The following AUH variants were observed in gnomAD, a reference collection of about 807,000 sequenced individuals.
AUH encodes the protein AU RNA binding methylglutaconyl-CoA hydratase.
Under a neutral mutation model 42.3 loss-of-function variants are expected in AUH, and 29 were observed. The observed-to-expected ratio is 0.69, with a 90% confidence interval of 0.51 to 0.93. The LOEUF (loss-of-function observed/expected upper bound fraction) is 0.93. Ranked by LOEUF, AUH falls within the 40% of genes least tolerant of loss-of-function variation. AUH has a pLI of 0.00. For missense variants in AUH, 452 were observed against 438.1 expected (o/e 1.03, Z -0.28); for synonymous variants, 174 against 166.4 (o/e 1.05, Z -0.35).
chr9:91,303,609 A>G lies in AUH; in HGVS notation c.506-5533T>C, dbSNP rs571604655. On this transcript the variant is annotated intron_variant, in intron 4 of 9. Transcript: ENST00000375731. The stretch of plus-strand genomic sequence containing the variant: ...CCCAAAGTGCTGGGATTACAGGCGT[A>G]AGCCACTGCGCCCAGCCCCACAGGA... 5.3e-5 allele frequency among the ~76,000 whole-genome samples: 8 copies of G among 152,266 alleles called. No homozygotes were observed. In the East Asian group the frequency reaches 5.8e-4, roughly 11 times the overall value.
At chr9:91,277,465 A>G (rs961151997) in intron 6 of AUH, among the ~76,000 whole-genome samples, 5 of 151,710 alleles carry the variant, frequency 3.3e-5, no homozygotes, top group African/African-American at 1.2e-4. Flanking sequence ...GTTTTATGGT[A>G]AAACAGAAGT....
At chr9:91,276,574 G>T (rs72740749) in intron 6 of AUH, among the ~76,000 whole-genome samples, 2,779 of 152,156 alleles carry the variant, frequency 0.018, 40 homozygotes, top group Middle Eastern at 0.065. Context: ...ACTGTAACAG[G>T]TCATTATTTT....
intron 6 of AUH, among the ~76,000 whole-genome samples, chr9:91,222,262 G>A (rs1827175657): frequency 6.6e-6 from 1 of 152,126 alleles, no homozygotes; most frequent in South Asian, 2.1e-4. Flanking sequence ...ACCACAAGAA[G>A]GCACATGTTT....
At chr9:91,299,778 AC>A (rs1266409552) in intron 4 of AUH, among the ~76,000 whole-genome samples, 1 of 152,206 alleles carries the variant, frequency 6.6e-6, no homozygotes, top group Non-Finnish European at 1.5e-5. Context: ...GACTTTGGTT[AC>A]CGACTCTCAA....
intron 4 of AUH, 50 bp from the exon 5 acceptor site, chr9:91,298,126 C>T (rs1827497167): frequency 7.1e-7 from 1 of 1,401,910 alleles, no homozygotes; most frequent in Admixed American, 1.7e-5. Flanking sequence ...TATTATCTCA[C>T]TGTGTAATTC....
At chr9:91,344,095 A>C (rs1274707750) in intron 3 of AUH, among the ~76,000 whole-genome samples, 1 of 152,166 alleles carries the variant, frequency 6.6e-6, no homozygotes, top group Non-Finnish European at 1.5e-5. Context: ...ATTAACATCA[A>C]CACAGGACCT....
At chr9:91,259,079 T>C (rs986807302) in intron 6 of AUH, among the ~76,000 whole-genome samples, 19 of 152,190 alleles carry the variant, frequency 1.2e-4, no homozygotes, top group African/African-American at 3.9e-4. Flanking sequence ...TCTGAAACAG[T>C]TGGAGTAGAA....
intron 6 of AUH, among the ~76,000 whole-genome samples, chr9:91,290,737 A>T (rs1323298900): frequency 1.3e-5 from 2 of 152,156 alleles, no homozygotes; most frequent in Non-Finnish European, 2.9e-5. Context: ...TTTCTCATCT[A>T]ATCAAACCAA....
At chr9:91,239,011 T>C (rs1466839456) in intron 6 of AUH, among the ~76,000 whole-genome samples, 1 of 152,252 alleles carries the variant, frequency 6.6e-6, no homozygotes, top group Non-Finnish European at 1.5e-5. Context: ...TATATTTACA[T>C]GTATTAAAAT....
intron 4 of AUH, among the ~76,000 whole-genome samples, chr9:91,318,677 G>C (rs1451629267): frequency 6.6e-6 from 1 of 152,224 alleles, no homozygotes; most frequent in Non-Finnish European, 1.5e-5. Context: ...ATTTGGCATG[G>C]TTGGGCCCAA....
At chr9:91,355,615 G>C (rs1028937952) in intron 3 of AUH, among the ~76,000 whole-genome samples, 1 of 151,426 alleles carries the variant, frequency 6.6e-6, no homozygotes, top group Non-Finnish European at 1.5e-5. Context: ...AAACAACATT[G>C]TACTACATGT....
At chr9:91,219,302 A>T (rs1349179856) in intron 7 of AUH, among the ~76,000 whole-genome samples, 1 of 152,210 alleles carries the variant, frequency 6.6e-6, no homozygotes, top group East Asian at 1.9e-4. Context: ...GGCTCTGCAG[A>T]TCATCAGAAT....
At chr9:91,351,084 C>G (rs1284091435) in intron 3 of AUH, among the ~76,000 whole-genome samples, 1 of 152,138 alleles carries the variant, frequency 6.6e-6, no homozygotes, top group Admixed American at 6.6e-5. Flanking sequence ...ACTCTCCCAC[C>G]TAAGCCTCCT....
At chr9:91,226,421 G>C (rs1299010319) in intron 6 of AUH, among the ~76,000 whole-genome samples, 56 of 141,328 alleles carry the variant, frequency 4.0e-4, no homozygotes, top group South Asian at 1.2e-3. Context: ...TTGTAAATTT[G>C]TTTGAGTTCA....
intron 6 of AUH, among the ~76,000 whole-genome samples, chr9:91,267,448 T>C (rs1387798159): frequency 6.6e-6 from 1 of 152,168 alleles, no homozygotes; most frequent in Non-Finnish European, 1.5e-5. Context: ...TCTTACGGTG[T>C]CTTGCTCTTG....
At chr9:91,232,678 C>T (rs56380204) in intron 6 of AUH, among the ~76,000 whole-genome samples, 85 of 152,336 alleles carry the variant, frequency 5.6e-4, no homozygotes, top group African/African-American at 1.9e-3. Flanking sequence ...GGCCACTGCC[C>T]TTCCCTTTCT....
chr9:91,224,509 C>G (rs1034089498), intron 6 of AUH, among the ~76,000 whole-genome samples: 1 of 152,094 alleles, frequency 6.6e-6, no homozygotes, highest in Non-Finnish European at 1.5e-5. Flanking sequence ...GGTGTCATAT[C>G]CAAGAAATTA....
intron 5 of AUH, among the ~76,000 whole-genome samples, chr9:91,297,598 A>ATT (rs1002793689): frequency 6.9e-6 from 1 of 145,348 alleles, no homozygotes; most frequent in Non-Finnish European, 1.5e-5. Context: ...TTCCTTTTTA[A>ATT]TTTTTTTTTT....
intron 3 of AUH, among the ~76,000 whole-genome samples, chr9:91,342,527 T>A (rs555290039): frequency 3.2e-4 from 49 of 152,326 alleles, no homozygotes; most frequent in African/African-American, 1.1e-3. Flanking sequence ...TTAACTTTTT[T>A]AAGATCACTT....
Sources: gnomAD v4.1 joint callset for allele counts (sites outside exome capture counted in the v4.1 genomes callset) on GRCh38, gnomAD v4.1.1 for gene constraint, MANE v1.5 for transcripts, NCBI Gene and HGNC (gene_info 2026-07-23, HGNC 2026-07-21) for gene names.